The following UGGT2 variants were observed in gnomAD, a reference collection of about 807,000 sequenced individuals.
UGGT2 encodes the protein UDP-glucose:glycoprotein glucosyltransferase 2.
UGGT2 carries 180 observed loss-of-function variants against 192.1 expected under a neutral mutation model. The observed-to-expected ratio is 0.94, with a 90% CI of 0.83 to 1.06. UGGT2 has a LOEUF of 1.06. Ranked by LOEUF, UGGT2 falls within the 50% of genes least tolerant of loss-of-function variation. The probability of loss-of-function intolerance (pLI) is 0.00; values close to 1 mark genes in which losing one functional copy is unlikely to be tolerated. For synonymous variants in UGGT2, 580 were observed against 591.0 expected, an observed-to-expected ratio of 0.98 and a Z score of 0.27; for missense variants, 1,849 against 1,795.7, an observed-to-expected ratio of 1.03 and a Z score of -0.54.
intron 38 of UGGT2, among the ~76,000 whole-genome samples, 200 bp from the exon 39 acceptor site, chr13:95,802,012 G>C (rs182019653): frequency 3.9e-5 from 6 of 152,186 alleles, no homozygotes; most frequent in African/African-American, 1.4e-4. Flanking sequence ...CATAACTACT[G>C]GTCTTTCTAC....
In UGGT2 at chr13:95,829,575, T is replaced by TA. The variant is rs552697707; in HGVS notation, c.4528+3351dup. 3.2e-3 allele frequency among the ~76,000 whole-genome samples: 487 copies of TA among 152,198 alleles called. 3 individuals carry two copies. The highest frequency in any genetic ancestry group is 0.011 in the African/African-American group (465 of 41,514). On this transcript the variant is annotated intron_variant, in intron 38 of 38. Coordinates refer to ENST00000376747, the MANE Select transcript of UGGT2 (RefSeq NM_020121.4). ...TGAGTGAACTCCCATTCAGAATTGC[T>TA]ACAAAGAGAATAAAGTACCTAGGAA... is the stretch of plus-strand genomic sequence containing the variant.
chr13:95,825,839 T>C (rs1438023972), intron 38 of UGGT2, among the ~76,000 whole-genome samples: 1 of 152,116 alleles, frequency 6.6e-6, no homozygotes, highest in Admixed American at 6.6e-5. Context: ...AGGCCTGTTG[T>C]CTGAATTCTT....
chr13:95,889,938 C>G (rs2140230323), intron 25 of UGGT2, among the ~76,000 whole-genome samples: 2 of 152,306 alleles, frequency 1.3e-5, no homozygotes, highest in South Asian at 4.1e-4. Context: ...TAGGGCCTGA[C>G]TGGTGATCTT....
rs781482449 is a variant in UGGT2, at chr13:96,023,032, T to C, written c.485+8A>G. 1 of 1,567,888 alleles carries C rather than the reference T, an allele frequency of 6.4e-7. No homozygotes were observed. Among genetic ancestry groups the C allele is most frequent in the South Asian group, 1.2e-5 (1 of 80,696 alleles). Reference sequence around the variant, plus strand: ...CACTTCTTTCATTATAGGCTATTATTAATTTACCTTGAAGCAGCTTTCTTC... The same window carrying C: ...CACTTCTTTCATTATAGGCTATTATCAATTTACCTTGAAGCAGCTTTCTTC... On this transcript the variant is annotated splice_region_variant and intron_variant, in intron 4 of 38. Coordinates refer to ENST00000376747, the MANE Select transcript of UGGT2 (RefSeq NM_020121.4).
chr13:95,946,919 TA>T (rs1260912458), intron 15 of UGGT2, 117 bp downstream of exon 15: 12 of 1,127,458 alleles, frequency 1.1e-5, no homozygotes, highest in Admixed American at 2.9e-5. Flanking sequence ...TGACAGTTTA[TA>T]AACTTTGAAA....
At chr13:95,844,767 C>A (rs561506963) in intron 36 of UGGT2, among the ~76,000 whole-genome samples, 6 of 152,236 alleles carry the variant, frequency 3.9e-5, no homozygotes, top group African/African-American at 1.4e-4. Flanking sequence ...CCTTGCCAAT[C>A]TGGATGCCTT....
intron 36 of UGGT2, among the ~76,000 whole-genome samples, chr13:95,842,631 A>G (rs1245146353): frequency 1.3e-5 from 2 of 152,144 alleles, no homozygotes; most frequent in Non-Finnish European, 2.9e-5. Context: ...TGGGATGTCA[A>G]TTCTGAGACT....
chr13:95,913,917 T>C (rs1324335919), intron 20 of UGGT2, among the ~76,000 whole-genome samples: 1 of 152,060 alleles, frequency 6.6e-6, no homozygotes, highest in African/African-American at 2.4e-5. Context: ...TAAAAAAGGA[T>C]GAGTTCATGT....
chr13:95,883,521 T>C (rs1046397228), intron 27 of UGGT2, among the ~76,000 whole-genome samples: 4 of 152,044 alleles, frequency 2.6e-5, no homozygotes, highest in Middle Eastern at 3.2e-3. Flanking sequence ...TGGGAGGTGA[T>C]TGGATCATGG....
At chr13:95,989,505 A>G (rs528862931) in intron 8 of UGGT2, 91 of 340,698 alleles carry the variant, frequency 2.7e-4, no homozygotes, top group South Asian at 6.9e-4. Flanking sequence ...TTTTCAGTAC[A>G]GAAGCTGTTC....
At chr13:96,010,846 G>A (rs1002151628) in intron 5 of UGGT2, among the ~76,000 whole-genome samples, 1 of 152,184 alleles carries the variant, frequency 6.6e-6, no homozygotes, top group African/African-American at 2.4e-5. Flanking sequence ...CAAAGCTGGA[G>A]GACTAACACA....
chr13:95,930,960 A>G (rs1188514999), intron 17 of UGGT2, among the ~76,000 whole-genome samples: 2 of 152,184 alleles, frequency 1.3e-5, no homozygotes, highest in East Asian at 3.9e-4. Flanking sequence ...GCAAAGAGCA[A>G]AAGAACAAAC....
intron 36 of UGGT2, among the ~76,000 whole-genome samples, chr13:95,850,973 T>G (rs1463683488): frequency 6.6e-6 from 1 of 152,226 alleles, no homozygotes; most frequent in African/African-American, 2.4e-5. Flanking sequence ...GAATAAAGAC[T>G]TGCCCAAACC....
At chr13:96,012,742 ATGTG>A (rs10562634) in intron 5 of UGGT2, among the ~76,000 whole-genome samples, 55,473 of 150,424 alleles carry the variant, frequency 0.37, 10,506 homozygotes, top group Middle Eastern at 0.45. Flanking sequence ...ATTCATACGC[ATGTG>A]TGTGTGTGTG....
chr13:95,937,236 T>G, intron 16 of UGGT2, 148 bp from the exon 17 acceptor site: 1 of 919,884 alleles, frequency 1.1e-6, no homozygotes, highest in Non-Finnish European at 1.6e-6. Context: ...AAACATTGCC[T>G]AAAGGAAAGT....
At chr13:95,888,157 C>A (rs114092153) in intron 25 of UGGT2, among the ~76,000 whole-genome samples, 186 bp from the exon 26 acceptor site, 1,937 of 152,260 alleles carry the variant, frequency 0.013, 40 homozygotes, top group African/African-American at 0.045. Flanking sequence ...CACACAGAAA[C>A]TCACAGCACA....
intron 38 of UGGT2, among the ~76,000 whole-genome samples, chr13:95,829,404 T>C (rs1160417634): frequency 6.6e-6 from 1 of 152,200 alleles, no homozygotes; most frequent in East Asian, 1.9e-4. Context: ...ATGACATGAT[T>C]GTATATTTAG....
chr13:96,039,305 C>T (rs758029577), intron 1 of UGGT2, among the ~76,000 whole-genome samples: 44 of 152,138 alleles, frequency 2.9e-4, no homozygotes, highest in African/African-American at 5.3e-4. Context: ...TTGTCTCTTT[C>T]GGTCCAAGCT....
chr13:95,972,464 CA>C, intron 11 of UGGT2, 115 bp downstream of exon 11: 1 of 977,708 alleles, frequency 1.0e-6, no homozygotes, highest in Non-Finnish European at 1.5e-6. Flanking sequence ...TTTGTACAAT[CA>C]AAAACATGTA....
Sources: gnomAD v4.1 joint callset for allele counts (sites outside exome capture counted in the v4.1 genomes callset) on GRCh38, gnomAD v4.1.1 for gene constraint, MANE v1.5 for transcripts, NCBI Gene and HGNC (gene_info 2026-07-23, HGNC 2026-07-21) for gene names.